PCDH15: variants seen among roughly 807,000 people sequenced by gnomAD.
PCDH15 encodes the protein protocadherin related 15.
A neutral mutation model predicts 178.5 loss-of-function variants in PCDH15; 129 were observed. The observed-to-expected ratio is 0.72, with a 90% CI of 0.63 to 0.84. PCDH15 has a LOEUF of 0.84. PCDH15 is among the 40% of genes least tolerant of loss of function. The pLI is 0.00. For missense variants in PCDH15, 2,230 were observed against 2,099.9 expected (o/e 1.06, Z -1.21); for synonymous variants, 800 against 732.0 (o/e 1.09, Z -1.50).
intron 1 of PCDH15, among the ~76,000 whole-genome samples, chr10:54,765,630 A>G (rs1345764853): frequency 6.6e-6 from 1 of 152,162 alleles, no homozygotes; most frequent in Non-Finnish European, 1.5e-5. Context: ...ATACCTAATG[A>G]CCTTCTACAA....
intron 1 of PCDH15, among the ~76,000 whole-genome samples, chr10:55,245,904 C>A (rs904356256): frequency 6.6e-5 from 10 of 152,086 alleles, no homozygotes; most frequent in Admixed American, 2.6e-4. Flanking sequence ...AAAACTAAAC[C>A]AAACAGTTCT....
At chr10:53,909,258 A>T (rs2082898043) in intron 25 of PCDH15, among the ~76,000 whole-genome samples, 1 of 152,090 alleles carries the variant, frequency 6.6e-6, no homozygotes, top group African/African-American at 2.4e-5. Context: ...TTCCACCATG[A>T]TTACAAGTTT....
chr10:55,358,226 A>G (rs1845127789), intron 2 of PCDH15, among the ~76,000 whole-genome samples: 1 of 152,136 alleles, frequency 6.6e-6, no homozygotes, highest in Non-Finnish European at 1.5e-5. Context: ...AGTGAAATTT[A>G]GAGGAAACAT....
In PCDH15 at chr10:54,351,951, T is replaced by C. The variant is rs528648645; in HGVS notation, c.475-5467A>G. 2.6e-5 allele frequency among the ~76,000 whole-genome samples: 4 copies of C among 152,290 alleles called. No individual in the cohort carries two copies. The South Asian group carries it at 8.3e-4, about 32-fold the overall frequency. Reference sequence around the variant, plus strand: ...TATATTCACGAAACCGATGGTATGCTGTTCACTTGGAATAAAATATTGAGA... The same window carrying C: ...TATATTCACGAAACCGATGGTATGCCGTTCACTTGGAATAAAATATTGAGA... On this transcript the variant is annotated intron_variant, in intron 5 of 37. Coordinates refer to ENST00000644397, the MANE Select transcript of PCDH15 (RefSeq NM_001384140.1).
At chr10:54,917,359 A>G (rs924741761) in intron 2 of PCDH15, among the ~76,000 whole-genome samples, 2 of 152,200 alleles carry the variant, frequency 1.3e-5, no homozygotes, top group African/African-American at 4.8e-5. Flanking sequence ...GTCTGAACAA[A>G]CAGGCAAACA....
intron 3 of PCDH15, among the ~76,000 whole-genome samples, chr10:54,467,557 T>C (rs751904613): frequency 6.6e-6 from 1 of 151,562 alleles, no homozygotes; most frequent in Non-Finnish European, 1.5e-5. Context: ...TAGTATTTTG[T>C]TGAATTATTT....
intron 3 of PCDH15, among the ~76,000 whole-genome samples, chr10:54,520,869 G>C (rs1311998980): frequency 6.6e-6 from 1 of 151,344 alleles, no homozygotes; most frequent in African/African-American, 2.4e-5. Flanking sequence ...ATACACCATG[G>C]AATACTATGC....
At chr10:55,500,432 A>G (rs1013608298) in intron 2 of PCDH15, among the ~76,000 whole-genome samples, 2 of 151,852 alleles carry the variant, frequency 1.3e-5, no homozygotes, top group African/African-American at 4.8e-5. Context: ...GAATACAAGA[A>G]AGTTTTACAA....
chr10:54,483,394 G>T (rs1407190896), intron 3 of PCDH15, among the ~76,000 whole-genome samples: 1 of 151,800 alleles, frequency 6.6e-6, no homozygotes, highest in Non-Finnish European at 1.5e-5. Flanking sequence ...TTTATGAAGG[G>T]AGAGGACCAA....
intron 19 of PCDH15, 83 bp downstream of exon 19, chr10:54,022,809 T>C (rs2092964976): frequency 7.4e-7 from 1 of 1,360,442 alleles, no homozygotes; most frequent in Non-Finnish European, 1.1e-6. Context: ...TGTTGTATTG[T>C]TACTTGCTAA....
chr10:54,922,308 G>T (rs1054213357), intron 2 of PCDH15, among the ~76,000 whole-genome samples: 4 of 152,084 alleles, frequency 2.6e-5, no homozygotes, highest in African/African-American at 9.7e-5. Flanking sequence ...AAACAAGTTA[G>T]CTATTTCCAA....
At chr10:55,035,518 CATAATCCTACT>C (rs901844163) in intron 2 of PCDH15, among the ~76,000 whole-genome samples, 1 of 152,180 alleles carries the variant, frequency 6.6e-6, no homozygotes, top group African/African-American at 2.4e-5. Flanking sequence ...CCAATATGTT[CATAATCCTACT>C]ATACCATGCA....
At chr10:54,370,772 A>G (rs1947539134) in intron 4 of PCDH15, among the ~76,000 whole-genome samples, 2 of 151,928 alleles carry the variant, frequency 1.3e-5, no homozygotes, top group Admixed American at 1.3e-4. Context: ...AAAAAATAAA[A>G]TCTATAATGC....
chr10:54,120,911 G>T (rs1176245370), intron 15 of PCDH15, among the ~76,000 whole-genome samples: 1 of 151,938 alleles, frequency 6.6e-6, no homozygotes, highest in African/African-American at 2.4e-5. Context: ...AGAAATTCTG[G>T]ACTTAAACTC....
At chr10:55,448,216 G>C (rs1839359247) in intron 2 of PCDH15, among the ~76,000 whole-genome samples, 1 of 151,954 alleles carries the variant, frequency 6.6e-6, no homozygotes, top group Non-Finnish European at 1.5e-5. Context: ...GGCTAAGCTA[G>C]TTCTAACCTT....
intron 8 of PCDH15, among the ~76,000 whole-genome samples, chr10:54,251,785 C>A (rs1564792331): frequency 6.6e-6 from 1 of 152,034 alleles, no homozygotes; most frequent in African/African-American, 2.4e-5. Flanking sequence ...CATCTTAAAT[C>A]CTATCTTTCT....
At chr10:54,330,645 A>G (rs916411073) in intron 6 of PCDH15, among the ~76,000 whole-genome samples, 2 of 151,798 alleles carry the variant, frequency 1.3e-5, no homozygotes, top group African/African-American at 4.8e-5. Flanking sequence ...CCTGTCTAGG[A>G]CTGAGTTTTT....
intron 7 of PCDH15, among the ~76,000 whole-genome samples, chr10:54,327,191 A>AT (rs1269630567): frequency 2.7e-5 from 2 of 73,320 alleles, no homozygotes; most frequent in Admixed American, 1.3e-4. Context: ...TAATTGCATG[A>AT]TAAAAAAACT....
chr10:54,132,835 A>T, intron 15 of PCDH15, 40 bp downstream of exon 15: 1 of 1,564,764 alleles, frequency 6.4e-7, no homozygotes, highest in Non-Finnish European at 8.6e-7. Context: ...TCACTTTAGA[A>T]TTTATACACA....
Sources: allele counts gnomAD v4.1 joint callset (sites outside exome capture counted in the v4.1 genomes callset), GRCh38; gene constraint gnomAD v4.1.1; transcripts MANE v1.5; gene names NCBI Gene and HGNC (gene_info 2026-07-23, HGNC 2026-07-21).